Variants in PDE1A observed in about 807,000 individuals in gnomAD.
The protein encoded by PDE1A is dual specificity calcium/calmodulin-dependent 3',5'-cyclic nucleotide phosphodiesterase 1A.
PDE1A carries 35 observed loss-of-function variants against 61.7 expected under a neutral mutation model. The observed-to-expected ratio is 0.57, with a 90% CI of 0.43 to 0.75. The LOEUF (loss-of-function observed/expected upper bound fraction) is 0.75. Ranked by LOEUF, PDE1A falls within the 30% of genes least tolerant of loss-of-function variation. The probability of loss-of-function intolerance (pLI) is 0.00; values close to 1 mark genes in which losing one functional copy is unlikely to be tolerated. For missense variants in PDE1A, 597 were observed against 630.6 expected (o/e 0.95, Z 0.57); for synonymous variants, 232 against 213.2 (o/e 1.09, Z -0.77).
At chr2:182,533,303 C>A in the PDE1A span, among the ~76,000 whole-genome samples, 1 of 151,988 alleles carries the variant, frequency 6.6e-6, no homozygotes, top group African/African-American at 2.4e-5. Flanking sequence ...AGAGCGAGAC[C>A]CTGTCTCAGA....
chr2:182,214,163 T>G (rs1687938286), intron 7 of PDE1A, among the ~76,000 whole-genome samples: 1 of 151,366 alleles, frequency 6.6e-6, no homozygotes, highest in African/African-American at 2.4e-5. Flanking sequence ...CCAGCCAAAC[T>G]AAGCTTCATA....
downstream of PDE1A, chr2:182,142,405 C>A (rs575962475): frequency 6.6e-6 from 1 of 152,250 alleles, no homozygotes; most frequent in Admixed American, 6.5e-5. Context: ...GGTTTCACTG[C>A]CATTTCCCAG....
chr2:182,186,509 C>T (rs1444751568), exon 12 of PDE1A: 1 of 1,613,042 alleles, frequency 6.2e-7, no homozygotes, highest in Non-Finnish European at 8.5e-7. Flanking sequence ...TTGAGGCTTC[C>T]TCTATAAGAG....
intron 1 of PDE1A, among the ~76,000 whole-genome samples, chr2:182,290,748 GCTTCT>G (rs934381077): frequency 4.0e-5 from 6 of 151,688 alleles, no homozygotes; most frequent in Non-Finnish European, 7.4e-5. Context: ...TTCTATTGTT[GCTTCT>G]CTTCTCATTT....
At chr2:182,394,403 C>T (rs1701587478) in intron 1 of PDE1A, among the ~76,000 whole-genome samples, 1 of 152,128 alleles carries the variant, frequency 6.6e-6, no homozygotes, top group African/African-American at 2.4e-5. Flanking sequence ...TTCCCACCCC[C>T]ATGATTCAAT....
At chr2:182,201,650 C>CAAAAACA in intron 9 of PDE1A, 38 bp downstream of exon 9, 1 of 1,266,430 alleles carries the variant, frequency 7.9e-7, no homozygotes. Context: ...TTTAACATGA[C>CAAAAACA]AAAAAAAAAA....
At chr2:182,693,631 A>G in the PDE1A span, among the ~76,000 whole-genome samples, 1 of 140,520 alleles carries the variant, frequency 7.1e-6, no homozygotes, top group Non-Finnish European at 1.5e-5. Context: ...CTTTCTTGAT[A>G]GTGTTCTTTT....
At chr2:182,252,669 T>C (rs921633012) in intron 2 of PDE1A, among the ~76,000 whole-genome samples, 4 of 152,288 alleles carry the variant, frequency 2.6e-5, no homozygotes, top group African/African-American at 7.2e-5. Context: ...GGTGGGAGCA[T>C]GCCCCAGATA....
intron 6 of PDE1A, among the ~76,000 whole-genome samples, chr2:182,225,789 T>C (rs1689094769): frequency 6.7e-6 from 1 of 150,090 alleles, no homozygotes; most frequent in Non-Finnish European, 1.5e-5. Context: ...GCATTAAATC[T>C]GGGAAATAAT....
At chr2:182,552,881 C>T in the PDE1A span, among the ~76,000 whole-genome samples, 2 of 152,146 alleles carry the variant, frequency 1.3e-5, no homozygotes, top group African/African-American at 2.4e-5. Flanking sequence ...TGTTACGGCT[C>T]GAGCTGAGCT....
At chr2:182,343,067 T>C (rs1698299308) in intron 1 of PDE1A, among the ~76,000 whole-genome samples, 2 of 152,138 alleles carry the variant, frequency 1.3e-5, no homozygotes, top group Admixed American at 1.3e-4. Flanking sequence ...GACTATGGAG[T>C]GGATACATTG....
chr2:182,640,249 G>A, the PDE1A span, among the ~76,000 whole-genome samples: 3 of 152,186 alleles, frequency 2.0e-5, no homozygotes, highest in Admixed American at 6.5e-5. Flanking sequence ...CAAACTTTAC[G>A]CAAGCGAAGT....
At chr2:182,170,140 A>AG (rs963515459) in intron 13 of PDE1A, among the ~76,000 whole-genome samples, 2 of 152,056 alleles carry the variant, frequency 1.3e-5, no homozygotes, top group Non-Finnish European at 2.9e-5. Flanking sequence ...AACATGATAC[A>AG]GGTTACTGGT....
chr2:182,269,110 A>G (rs1464732618), intron 1 of PDE1A, among the ~76,000 whole-genome samples: 1 of 152,174 alleles, frequency 6.6e-6, no homozygotes, highest in Non-Finnish European at 1.5e-5. Context: ...TAAATTCAAT[A>G]ACTTAGATAA....
At chr2:182,641,500 T>A in the PDE1A span, among the ~76,000 whole-genome samples, 32 of 152,300 alleles carry the variant, frequency 2.1e-4, no homozygotes, top group African/African-American at 7.0e-4. Context: ...TAAATTGAAA[T>A]TTTTTAACTA....
intron 2 of PDE1A, among the ~76,000 whole-genome samples, chr2:182,513,664 G>C (rs1439531496): frequency 6.6e-6 from 1 of 152,218 alleles, no homozygotes; most frequent in African/African-American, 2.4e-5. Context: ...GTTGGATAAA[G>C]AAGCAAGGCC....
At chr2:182,264,928 A>G (rs1203544354) in intron 1 of PDE1A, among the ~76,000 whole-genome samples, 1 of 128,914 alleles carries the variant, frequency 7.8e-6, no homozygotes, top group African/African-American at 2.9e-5. Flanking sequence ...ACTCAGCCAT[A>G]AAAAGGAATA....
chr2:182,365,233 G>A (rs1273385803), intron 1 of PDE1A, among the ~76,000 whole-genome samples: 3 of 152,044 alleles, frequency 2.0e-5, no homozygotes, highest in Admixed American at 2.0e-4. Flanking sequence ...AAGCTAAGAT[G>A]ATGCCTGGCA....
At chr2:182,550,513 G>A in the PDE1A span, among the ~76,000 whole-genome samples, 1 of 152,094 alleles carries the variant, frequency 6.6e-6, no homozygotes, top group African/African-American at 2.4e-5. Flanking sequence ...GGTAAAGCAA[G>A]TACTGGTGAT....
Sources: gnomAD v4.1 joint callset for allele counts (sites outside exome capture counted in the v4.1 genomes callset) on GRCh38, gnomAD v4.1.1 for gene constraint, MANE v1.5 for transcripts, NCBI Gene and HGNC (gene_info 2026-07-23, HGNC 2026-07-21) for gene names.